The following GPC3 variants were observed in gnomAD, a reference collection of about 807,000 sequenced individuals.
The protein encoded by GPC3 is glypican 3.
In GPC3, 3 loss-of-function variants were observed where a neutral mutation model predicts 34.4. The observed-to-expected ratio is 0.09, with a 90% CI of 0.04 to 0.23. GPC3 has a LOEUF of 0.23. Among genes scored for constraint, GPC3 ranks in the 10% least tolerant of loss-of-function variants. The pLI is 1.00. For synonymous variants in GPC3, 177 were observed against 174.0 expected (o/e 1.02, Z -0.13); for missense variants, 351 against 445.6 (o/e 0.79, Z 1.91).
chrX:133,934,551 T>G, intron 2 of GPC3, among the ~76,000 whole-genome samples: 1 of 109,299 alleles, frequency 9.1e-6, no homozygotes, highest in East Asian at 2.9e-4. Flanking sequence ...CTCACTTTGT[T>G]GCCCAGGCTA....
At chrX:133,869,696 C>T (rs1341056895) in intron 2 of GPC3, among the ~76,000 whole-genome samples, 1 of 112,005 alleles carries the variant, frequency 8.9e-6, no homozygotes, top group Non-Finnish European at 1.9e-5. Context: ...ACCTGTAATC[C>T]CAGCACTTTG....
At chrX:133,847,708 T>C (rs1285278885) in intron 2 of GPC3, among the ~76,000 whole-genome samples, 1 of 111,900 alleles carries the variant, frequency 8.9e-6, no homozygotes, top group Non-Finnish European at 1.9e-5. Flanking sequence ...ATCCTCAGGG[T>C]TTTGCCCACT....
At chrX:133,985,239 C>G in intron 1 of GPC3, 36 bp downstream of exon 1, 1 of 1,204,395 alleles carries the variant, frequency 8.3e-7, no homozygotes, top group Non-Finnish European at 1.1e-6. Flanking sequence ...TTGCTCCCCG[C>G]TGGGCGCTAG....
intron 2 of GPC3, among the ~76,000 whole-genome samples, chrX:133,794,521 G>C (rs1359027672): frequency 9.0e-6 from 1 of 111,293 alleles, no homozygotes; most frequent in Non-Finnish European, 1.9e-5. Flanking sequence ...GGCTTTGGGT[G>C]GGGGGGCACT....
At chrX:133,595,372 C>T (rs111723809) in intron 7 of GPC3, among the ~76,000 whole-genome samples, 3 of 111,299 alleles carry the variant, frequency 2.7e-5, no homozygotes, top group African/African-American at 9.8e-5. Flanking sequence ...TCTCTGAGCC[C>T]TGGTTTTAAT....
chrX:133,817,895 TC>T lies in GPC3; in HGVS notation c.338-63720del, dbSNP rs774278027. ...GCTGTGATTCACTAAACACTTTTTT[TC>T]CCCATTGGAAATTATAAAATGATAT... On this transcript the variant is annotated intron_variant, in intron 2 of 7. Coordinates refer to ENST00000370818, the MANE Select transcript of GPC3 (RefSeq NM_004484.4). 2.5e-3 allele frequency among the ~76,000 whole-genome samples: 278 copies of T among 110,746 alleles called. 1 individual carries two copies. The highest frequency in any genetic ancestry group is 8.5e-3 in the African/African-American group (259 of 30,438).
chrX:133,765,505 T>C (rs1266815850), intron 2 of GPC3, among the ~76,000 whole-genome samples: 1 of 112,040 alleles, frequency 8.9e-6, no homozygotes, highest in Non-Finnish European at 1.9e-5. Context: ...AACCTGTATT[T>C]CTTTTCAATA....
chrX:133,610,058 T>C (rs1303577284), intron 6 of GPC3, among the ~76,000 whole-genome samples: 3 of 112,146 alleles, frequency 2.7e-5, no homozygotes, highest in Non-Finnish European at 5.6e-5. Context: ...CTCTTGTTTT[T>C]CCTAAGAAGG....
intron 7 of GPC3, among the ~76,000 whole-genome samples, chrX:133,575,636 T>C (rs1401768351): frequency 8.9e-6 from 1 of 111,761 alleles, no homozygotes; most frequent in African/African-American, 3.3e-5. Flanking sequence ...ATTATGCAAG[T>C]TTCCAAAGCT....
At chrX:133,837,807 G>GA (rs1166094584) in intron 2 of GPC3, among the ~76,000 whole-genome samples, 39 of 112,364 alleles carry the variant, frequency 3.5e-4, no homozygotes, top group African/African-American at 1.2e-3. Flanking sequence ...ATCACTGTTA[G>GA]AAAAATAAAA....
At chrX:133,930,297 G>C (rs749393273) in intron 2 of GPC3, among the ~76,000 whole-genome samples, 6 of 111,957 alleles carry the variant, frequency 5.4e-5, no homozygotes, top group Non-Finnish European at 9.4e-5. Flanking sequence ...CGTCTAGTGG[G>C]TAGAGGCCAG....
chrX:133,786,185 G>A (rs1032768386), intron 2 of GPC3, among the ~76,000 whole-genome samples: 3 of 112,174 alleles, frequency 2.7e-5, no homozygotes, highest in Admixed American at 9.4e-5. Flanking sequence ...CTGAGGTCAG[G>A]AGTTCGAGAC....
At chrX:133,837,048 C>T (rs1329357933) in intron 2 of GPC3, among the ~76,000 whole-genome samples, 1 of 111,909 alleles carries the variant, frequency 8.9e-6, no homozygotes, top group Non-Finnish European at 1.9e-5. Context: ...AACTACATTG[C>T]AGTATAATAA....
intron 7 of GPC3, among the ~76,000 whole-genome samples, chrX:133,562,554 C>G (rs1237540348): frequency 3.6e-5 from 4 of 110,905 alleles, no homozygotes; most frequent in Admixed American, 9.6e-5. Context: ...TTGCTTGACC[C>G]CAGGAGATGG....
intron 6 of GPC3, among the ~76,000 whole-genome samples, chrX:133,652,229 A>G (rs1396724537): frequency 8.9e-6 from 1 of 112,026 alleles, no homozygotes. Context: ...ATACCATGAT[A>G]ATAACCATAA....
At chrX:133,627,562 A>G (rs2070318528) in intron 6 of GPC3, among the ~76,000 whole-genome samples, 1 of 111,591 alleles carries the variant, frequency 9.0e-6, no homozygotes, top group Admixed American at 9.5e-5. Flanking sequence ...TAACCATCAA[A>G]TGCTTTCAGA....
chrX:133,692,268 C>A, intron 5 of GPC3, 101 bp downstream of exon 5: 1 of 908,492 alleles, frequency 1.1e-6, no homozygotes, highest in African/African-American at 1.9e-5. Context: ...TAGAATTTTT[C>A]TGGTGCAATT....
Position 133,834,988 on chromosome X carries a change from T to C in GPC3, c.338-80812A>G, listed in dbSNP as rs150101279. Among the ~76,000 whole-genome samples, 1,063 of 112,287 alleles carry C rather than the reference T, an allele frequency of 9.5e-3. 15 individuals carry two copies. Among genetic ancestry groups the C allele is most frequent in the African/African-American group, 0.033 (1,007 of 30,967 alleles). On this transcript the variant is annotated intron_variant, in intron 2 of 7. Transcript: ENST00000370818. ...GGAAACAGACTTGGATTGACTTATCTAGATACTTCATGGCATCCACGCTTT... is the reference window on the plus strand; with the variant it reads ...GGAAACAGACTTGGATTGACTTATCCAGATACTTCATGGCATCCACGCTTT...
intron 2 of GPC3, among the ~76,000 whole-genome samples, chrX:133,839,837 A>C (rs1223501541): frequency 3.8e-5 from 4 of 105,742 alleles, no homozygotes; most frequent in Non-Finnish European, 7.7e-5. Flanking sequence ...CTGAGGCAGG[A>C]GAATGGCGTG....
Sources: gnomAD v4.1 joint callset for allele counts (sites outside exome capture counted in the v4.1 genomes callset) on GRCh38, gnomAD v4.1.1 for gene constraint, MANE v1.5 for transcripts, NCBI Gene and HGNC (gene_info 2026-07-23, HGNC 2026-07-21) for gene names.